Variants in INPP5J observed in about 807,000 individuals in gnomAD.
INPP5J encodes the protein phosphatidylinositol 4,5-bisphosphate 5-phosphatase A.
In INPP5J, 75 loss-of-function variants were observed where a neutral mutation model predicts 86.6. That is an observed-to-expected ratio of 0.87 (90% CI 0.72 to 1.05). The LOEUF (loss-of-function observed/expected upper bound fraction) is 1.05, where lower values mean the gene tolerates loss of function less well. Ranked by LOEUF, INPP5J falls within the 50% of genes least tolerant of loss-of-function variation. The pLI, the probability that INPP5J is intolerant of heterozygous loss-of-function variation, is 0.00. For missense variants in INPP5J, 1,229 were observed against 1,341.2 expected (o/e 0.92, Z 1.31); for synonymous variants, 540 against 550.0 (o/e 0.98, Z 0.25).
At position 31,125,415 on chromosome 22, in the gene INPP5J, G is replaced by C; in HGVS notation, c.676G>C (p.Gly226Arg). 1 of 1,550,624 alleles carries C rather than the reference G, an allele frequency of 6.4e-7. No homozygotes were observed. Among genetic ancestry groups the C allele is most frequent in the East Asian group, 2.4e-5 (1 of 40,902 alleles). Residue 226 changes from glycine (G) to arginine (R), a missense_variant, in exon 2 of 13, where the codon GGC (glycine) becomes CGC (arginine). Transcript: ENST00000331075. ...QALAPASTAS[G>R]AASVGQTSAR... ...CCTGGCTCCAGCATCCACGGCATCA[G>C]GCGCAGCCTCTGTGGGACAGACATC...
rs1921321186 is a variant in INPP5J at position 31,125,732 on chromosome 22, C to T, written c.993C>T (p.Ala331=). The change falls in exon 2 of 13, where the codon GCC becomes GCT. Residue 331 remains alanine, a synonymous_variant. Transcript: ENST00000331075. ...GLLSPTFRPG[A]PSGQTVPPPL... is the part of the protein sequence containing the mutation. ...TGTCCCCCACCTTCCGGCCTGGGGC[C>T]CCCTCAGGCCAGACTGTGCCCCCAC... The T allele has an allele frequency of 2.6e-6, 4 of 1,550,724 alleles. No homozygotes were observed. The highest frequency in any genetic ancestry group is 1.7e-4 in the Middle Eastern group (1 of 5,990).
chr22:31,127,569 G>A (rs372745459), intron 6 of INPP5J, 37 bp downstream of exon 6: 205 of 1,582,418 alleles, frequency 1.3e-4, no homozygotes, highest in Non-Finnish European at 1.7e-4. Context: ...AGCTTGGGTG[G>A]GGCTAGTGAT....
chr22:31,133,301 A>G, intron 10 of INPP5J, 66 bp downstream of exon 10: 1 of 1,601,190 alleles, frequency 6.2e-7, no homozygotes, highest in Middle Eastern at 1.7e-4. Context: ...GCTGAACAGC[A>G]TGGTGGGGTC....
At position 31,127,846 on chromosome 22, in the gene INPP5J, C is replaced by T. The variant is rs542798045; in HGVS notation, c.1788-105C>T. ...CACTCACCCACTCACTACATCCCCT[C>T]GGGTTGGATGGGCTGGAAGGATCTG... On this transcript the variant is annotated intron_variant, in intron 6 of 12. Transcript: ENST00000331075. 27 of 738,750 alleles carry T rather than the reference C, an allele frequency of 3.7e-5. No individual in the cohort carries two copies. In the East Asian group the frequency reaches 5.1e-4, roughly 14 times the overall value. 45.8% of individuals were successfully genotyped at this position (738,750 alleles called of 1,614,324 possible).
Position 31,125,335 on chromosome 22 carries a change from C to T in INPP5J, c.596C>T (p.Pro199Leu), listed in dbSNP as rs1319050544. Residue 199 changes from proline (P) to leucine (L), a missense_variant, in exon 2 of 13, where the codon CCC becomes CTC. By Grantham distance (98) the Pro-to-Leu change is moderately conservative (BLOSUM62 -3). Transcript: ENST00000331075. Reference protein sequence around the residue: ...LASEEQPPELPSTPSPVPSPV... With the variant: ...LASEEQPPELLSTPSPVPSPV... ...TCTGAGGAGCAGCCCCCAGAACTCC[C>T]CTCCACCCCTTCCCCGGTGCCCAGT... 1.3e-6 allele frequency: 2 copies of T among 1,550,446 alleles called. No homozygotes were observed. Among genetic ancestry groups the T allele is most frequent in the Non-Finnish European group, 1.7e-6 (2 of 1,146,984 alleles).
Position 31,128,553 on chromosome 22 carries a change from C to T in INPP5J, c.2092C>T (p.Arg698Trp), listed in dbSNP as rs533771550. 45 of 1,613,340 alleles carry T rather than the reference C, an allele frequency of 2.8e-5. No individual in the cohort carries two copies. Among genetic ancestry groups the T allele is most frequent in the South Asian group, 2.0e-4 (18 of 91,076 alleles). The change falls in exon 9 of 13, where the codon CGG becomes TGG. Residue 698 changes from arginine (R) to tryptophan (W), a missense_variant. Arg to Trp is a moderately radical substitution (Grantham distance 101). Coordinates refer to ENST00000331075, the MANE Select transcript of INPP5J (RefSeq NM_001284285.2). ...APGGGPSPSG[R>W]KSHRLQVTQH... is the part of the protein sequence containing the mutation. ...AGGTGGGGGTCCCAGCCCCTCAGGACGGAAGAGCCACCGACTCCAGGTGAC... is the reference window on the plus strand; with the variant it reads ...AGGTGGGGGTCCCAGCCCCTCAGGATGGAAGAGCCACCGACTCCAGGTGAC...
chr22:31,126,050 G>A (rs908784975), intron 2 of INPP5J, 40 bp downstream of exon 2: 2 of 1,493,762 alleles, frequency 1.3e-6, no homozygotes, highest in Non-Finnish European at 1.8e-6. Flanking sequence ...CTGGGGCTTA[G>A]CTCTGAGGTT....
chr22:31,128,083 A>G (rs760274934), intron 7 of INPP5J, 21 bp downstream of exon 7: 1 of 1,549,912 alleles, frequency 6.5e-7, no homozygotes, highest in South Asian at 1.1e-5. Context: ...TGTCCCCAGA[A>G]GCACACAGAG....
At chr22:31,132,063 G>A (rs1050355329) in intron 9 of INPP5J, among the ~76,000 whole-genome samples, 1 of 152,182 alleles carries the variant, frequency 6.6e-6, no homozygotes, top group African/African-American at 2.4e-5. Context: ...GGTTGACCTT[G>A]GGGAAAGGAT....
chr22:31,123,513 T>C (rs886505776), intron 1 of INPP5J, among the ~76,000 whole-genome samples: 1 of 151,898 alleles, frequency 6.6e-6, no homozygotes, highest in African/African-American at 2.4e-5. Context: ...GGTGTGATAG[T>C]TGGGGGGAAG....
rs552435313 is a variant in INPP5J, at chr22:31,125,741, C to T, written c.1002C>T (p.Gly334=). The change falls in exon 2 of 13, where the codon GGC becomes GGT. Residue 334 remains glycine (G), a synonymous_variant. Coordinates refer to ENST00000331075, the MANE Select transcript of INPP5J (RefSeq NM_001284285.2). ...SPTFRPGAPS[G]QTVPPPLPKP... is the part of the protein sequence containing the mutation. ...CCTTCCGGCCTGGGGCCCCCTCAGGCCAGACTGTGCCCCCACCTCTGCCCA... is the reference window on the plus strand; with the variant it reads ...CCTTCCGGCCTGGGGCCCCCTCAGGTCAGACTGTGCCCCCACCTCTGCCCA... 28 of 1,550,652 alleles carry T rather than the reference C, an allele frequency of 1.8e-5. No homozygotes were observed. Among genetic ancestry groups the T allele is most frequent in the Non-Finnish European group, 2.4e-5 (27 of 1,146,436 alleles).
Position 31,125,633 on chromosome 22 carries a change from A to C in INPP5J, c.894A>C (p.Pro298=). The C allele has an allele frequency of 6.5e-7, 1 of 1,549,682 alleles. No individual in the cohort carries two copies. The highest frequency in any genetic ancestry group is 8.7e-7 in the Non-Finnish European group (1 of 1,146,746). Residue 298 remains proline (P), a synonymous_variant, in exon 2 of 13, where the codon CCA becomes CCC. Transcript: ENST00000331075. ...GCAGCCCTGAGGATCCTGTTTTGCCACGGCCACCCCAGACCTTGCCCTTGG... is the reference window on the plus strand; with the variant it reads ...GCAGCCCTGAGGATCCTGTTTTGCCCCGGCCACCCCAGACCTTGCCCTTGG... ...LHSSPEDPVL[P]RPPQTLPLDV...
At chr22:31,129,893 G>A (rs1400593286) in intron 9 of INPP5J, among the ~76,000 whole-genome samples, 1 of 152,042 alleles carries the variant, frequency 6.6e-6, no homozygotes, top group African/African-American at 2.4e-5. Flanking sequence ...TTCTGAGAAA[G>A]GTTTAGAGTA....
chr22:31,127,757 A>C, intron 6 of INPP5J, 194 bp from the exon 7 acceptor site: 1 of 640,692 alleles, frequency 1.6e-6, no homozygotes, highest in East Asian at 2.7e-5. Context: ...GTCAGAACCT[A>C]ATTTCCTGTA....
rs777345688 is a variant in INPP5J at position 31,126,333 on chromosome 22, G to A, written c.1272-43G>A. The A allele has an allele frequency of 2.0e-6, 3 of 1,465,784 alleles. No homozygotes were observed. The South Asian group carries it at 3.5e-5, about 17-fold the overall frequency. The allele number at this position is 1,465,784 out of a possible 1,614,324, so 90.8% of individuals were successfully genotyped here. ...CTGTGAAAGGAAGCTTGAGGGTGAGGGAGTGGTGCCAGGACTACACCCTCA... is the reference window on the plus strand; with the variant it reads ...CTGTGAAAGGAAGCTTGAGGGTGAGAGAGTGGTGCCAGGACTACACCCTCA... On this transcript the variant is annotated intron_variant, in intron 2 of 12. Transcript: ENST00000331075.
intron 6 of INPP5J, 147 bp from the exon 7 acceptor site, chr22:31,127,804 G>T: frequency 1.5e-6 from 1 of 656,408 alleles, no homozygotes; most frequent in Non-Finnish European, 2.7e-6. Flanking sequence ...CCTTTGGTGG[G>T]CTGGAGGCTC....
At chr22:31,126,086 T>G in intron 2 of INPP5J, 76 bp downstream of exon 2, 4 of 1,314,236 alleles carry the variant, frequency 3.0e-6, no homozygotes, top group Non-Finnish European at 4.1e-6. Flanking sequence ...GTGGATGGTG[T>G]GCTCTACCTC....
chr22:31,125,877 C>A lies in INPP5J; in HGVS notation c.1138C>A (p.Pro380Thr), dbSNP rs771871838. Reference protein sequence around the residue: ...LPRLGTQSTGPGRCLSPNLQA... With the variant: ...LPRLGTQSTGTGRCLSPNLQA... Reference sequence around the variant, plus strand: ...AAGGCTTGGCACACAGAGTACAGGGCCTGGCAGGTGCCTGAGCCCCAACCT... The same window carrying A: ...AAGGCTTGGCACACAGAGTACAGGGACTGGCAGGTGCCTGAGCCCCAACCT... The change falls in exon 2 of 13, where the codon CCT becomes ACT. Residue 380 changes from proline to threonine, a missense_variant. Transcript: ENST00000331075. The A allele has an allele frequency of 3.1e-6, 5 of 1,611,516 alleles. No homozygotes were observed. Among genetic ancestry groups the A allele is most frequent in the Non-Finnish European group, 4.2e-6 (5 of 1,178,418 alleles).
upstream of INPP5J, chr22:31,122,666 C>T (rs1920986012): frequency 4.2e-6 from 1 of 239,196 alleles, no homozygotes; most frequent in South Asian, 1.3e-4. Context: ...ACCTGTCCTA[C>T]CTTAAGGCAG....
Sources: allele counts gnomAD v4.1 joint callset (sites outside exome capture counted in the v4.1 genomes callset), GRCh38; gene constraint gnomAD v4.1.1; transcripts MANE v1.5; gene names NCBI Gene and HGNC (gene_info 2026-07-23, HGNC 2026-07-21).